The following KCNC1 variants were observed in gnomAD, a reference collection of about 807,000 sequenced individuals.
The protein encoded by KCNC1 is voltage-gated potassium channel KCNC1.
KCNC1 carries 8 observed loss-of-function variants against 43.4 expected under a neutral mutation model. The observed-to-expected ratio is 0.18, with a 90% CI of 0.11 to 0.33. KCNC1 has a LOEUF of 0.33. Ranked by LOEUF, KCNC1 falls within the 10% of genes least tolerant of loss-of-function variation. KCNC1 has a pLI of 1.00. For synonymous variants in KCNC1, 361 were observed against 360.5 expected (o/e 1.00, Z -0.01); for missense variants, 420 against 836.0 (o/e 0.50, Z 6.14).
chr11:17,736,154 G>T lies in KCNC1; in HGVS notation c.152G>T (p.Arg51Leu). Reference protein sequence around the residue: ...DAHSHFDYDPRADEFFFDRHP... With the variant: ...DAHSHFDYDPLADEFFFDRHP... ...CACAGCCACTTCGACTATGACCCGCGTGCTGACGAGTTCTTCTTCGACCGC... is the reference window on the plus strand; with the variant it reads ...CACAGCCACTTCGACTATGACCCGCTTGCTGACGAGTTCTTCTTCGACCGC... The change falls in exon 1 of 4, where the codon CGT (arginine) becomes CTT (leucine). Residue 51 changes from arginine (R) to leucine (L), a missense_variant. Physicochemically the swap from Arg to Leu is moderately radical, Grantham distance 102 (BLOSUM62 -2). This residue lies in a region of KCNC1 where 42 missense variants were observed against 81.5 expected (regional missense o/e 0.52). Coordinates refer to ENST00000265969, the MANE Select transcript of KCNC1 (RefSeq NM_001112741.2). The surrounding 1 kb of genome is among the most constrained non-coding windows in gnomAD (Gnocchi z 9.3). The T allele has an allele frequency of 6.2e-7, 1 of 1,613,416 alleles. No homozygotes were observed. The highest frequency in any genetic ancestry group is 8.5e-7 in the Non-Finnish European group (1 of 1,179,746).
In KCNC1 at chr11:17,772,106, C is replaced by T; in HGVS notation, c.1012C>T (p.Leu338Phe). 1 of 1,613,840 alleles carries T rather than the reference C, an allele frequency of 6.2e-7. No individual in the cohort carries two copies. Among genetic ancestry groups the T allele is most frequent in the Non-Finnish European group, 8.5e-7 (1 of 1,179,966 alleles). ...FVGLRVLGHT[L>F]RASTNEFLLL... ...GGGCCTGCGGGTCCTGGGCCACACG[C>T]TCCGAGCCAGCACCAACGAGTTCCT... is the stretch of plus-strand genomic sequence containing the variant. The change falls in exon 2 of 4, where the codon CTC becomes TTC. Residue 338 changes from leucine (L) to phenylalanine (F), a missense_variant. By Grantham distance (22) the Leu-to-Phe change is conservative (BLOSUM62 0). Coordinates refer to ENST00000265969, the MANE Select transcript of KCNC1 (RefSeq NM_001112741.2).
intron 1 of KCNC1, among the ~76,000 whole-genome samples, chr11:17,757,320 G>C (rs7124999): frequency 0.022 from 3,336 of 152,298 alleles, 106 homozygotes; most frequent in African/African-American, 0.068. Context: ...CCTGCAGGAG[G>C]GATGTCTCAG....
Position 17,738,258 on chromosome 11 carries a change from C to A in KCNC1, c.570+1686C>A, listed in dbSNP as rs1412587729. Among the ~76,000 whole-genome samples the A allele has an allele frequency of 3.3e-5, 5 of 152,160 alleles. No individual in the cohort carries two copies. The East Asian group carries it at 5.8e-4, about 18-fold the overall frequency. On this transcript the variant is annotated intron_variant, in intron 1 of 3. Coordinates refer to ENST00000265969, the MANE Select transcript of KCNC1 (RefSeq NM_001112741.2). ...GGGACCCTCAGAGGGCTTCCCTCCC[C>A]TTCCCTTTCCTGACAGAGGCCACCA...
At chr11:17,747,032 A>T (rs1178148188) in intron 1 of KCNC1, among the ~76,000 whole-genome samples, 1 of 152,162 alleles carries the variant, frequency 6.6e-6, no homozygotes, top group Non-Finnish European at 1.5e-5. Context: ...CGGCCCTGCG[A>T]GATTCAAATC....
intron 1 of KCNC1, among the ~76,000 whole-genome samples, chr11:17,750,087 G>C (rs943871016): frequency 2.6e-5 from 4 of 151,832 alleles, no homozygotes; most frequent in Non-Finnish European, 5.9e-5. Flanking sequence ...GTGTGGACTC[G>C]GGCAGGTGGT....
intron 2 of KCNC1, chr11:17,775,211 T>C: frequency 1.0e-6 from 1 of 985,374 alleles, no homozygotes; most frequent in Non-Finnish European, 1.2e-6. Context: ...CGCCAAAACC[T>C]GAGCTTCTCC....
Position 17,772,402 on chromosome 11 carries a change from G to C in KCNC1, c.1308G>C (p.Val436=). The C allele has an allele frequency of 6.2e-7, 1 of 1,614,154 alleles. No homozygotes were observed. Among genetic ancestry groups the C allele is most frequent in the South Asian group, 1.1e-5 (1 of 91,080 alleles). The change falls in exon 2 of 4, where the codon GTG becomes GTC. Residue 436 remains valine, a synonymous_variant. Coordinates refer to ENST00000265969, the MANE Select transcript of KCNC1 (RefSeq NM_001112741.2). ...TCGCCATGCCCGTGCCCGTCATCGT[G>C]AACAATTTCGGGATGTATTACTCCT... ...LTIAMPVPVI[V]NNFGMYYSLA... is the part of the protein sequence containing the mutation.
intron 2 of KCNC1, chr11:17,775,281 T>TTCCCCCCCCCCCCCCC: frequency 5.3e-6 from 5 of 935,844 alleles, no homozygotes; most frequent in Non-Finnish European, 6.4e-6. Flanking sequence ...TCTGAGGGCA[T>TTCCCCCCCCCCCCCCC]CCCTCCCGCC....
chr11:17,779,260 G>T lies in KCNC1; in HGVS notation c.1505-196G>T. On this transcript the variant is annotated intron_variant, in intron 2 of 3. Coordinates refer to ENST00000265969, the MANE Select transcript of KCNC1 (RefSeq NM_001112741.2). The surrounding 1 kb of genome is among the most constrained non-coding windows in gnomAD (Gnocchi z 7.2). ...CCACTCCCAGCACTGTGGGCAGCCC[G>T]AAGGCTGCCTGAATGAGCTGAACCC... 1 of 541,532 alleles carries T rather than the reference G, an allele frequency of 1.8e-6. No individual in the cohort carries two copies. Among genetic ancestry groups the T allele is most frequent in the South Asian group, 2.7e-5 (1 of 36,888 alleles). 33.5% of individuals were successfully genotyped at this position (541,532 alleles called of 1,614,324 possible).
rs1217297490 is a variant in KCNC1 at position 17,783,030 on chromosome 11, A to G, written c.*1296A>G. ...TCCCCTCCCTGGGCCCTGGCCCCCAATAATAAAAAACTGACTTTTGAGATG... is the reference window on the plus strand; with the variant it reads ...TCCCCTCCCTGGGCCCTGGCCCCCAGTAATAAAAAACTGACTTTTGAGATG... On this transcript the variant is annotated 3_prime_UTR_variant, in exon 4 of 4. Coordinates refer to ENST00000265969, the MANE Select transcript of KCNC1 (RefSeq NM_001112741.2). 2.0e-5 allele frequency: 3 copies of G among 152,186 alleles called. No individual in the cohort carries two copies. Among genetic ancestry groups the G allele is most frequent in the African/African-American group, 4.8e-5 (2 of 41,442 alleles). The allele number at this position is 152,186 out of a possible 1,614,324, so 9.4% of individuals were successfully genotyped here.
intron 1 of KCNC1, among the ~76,000 whole-genome samples, chr11:17,747,385 GC>G (rs764215709): frequency 1.3e-5 from 2 of 152,170 alleles, no homozygotes; most frequent in Non-Finnish European, 2.9e-5. Context: ...GGGAGGGAGG[GC>G]CGCTGACATC....
At chr11:17,755,367 C>T (rs1213408352) in intron 1 of KCNC1, among the ~76,000 whole-genome samples, 1 of 151,998 alleles carries the variant, frequency 6.6e-6, no homozygotes, top group East Asian at 1.9e-4. Context: ...TGACACAGTT[C>T]GATTCATGTT....
rs1032597119 is a variant in KCNC1, at chr11:17,776,015, C to T, written c.1504+3417C>T. 13 of 985,148 alleles carry T rather than the reference C, an allele frequency of 1.3e-5. No individual in the cohort carries two copies. Among genetic ancestry groups the T allele is most frequent in the East Asian group, 1.1e-4 (1 of 8,800 alleles). The allele number at this position is 985,148 out of a possible 1,614,324, so 61.0% of individuals were successfully genotyped here. On this transcript the variant is annotated intron_variant, in intron 2 of 3. Coordinates refer to ENST00000265969, the MANE Select transcript of KCNC1 (RefSeq NM_001112741.2). This position sits in a 1 kb window ranked among gnomAD's most constrained non-coding sequence, Gnocchi z 4.4. ...AGGGAGCTGGGCAGCGCTGACTAGGCGGCGGGTGGGGCTAAGAGAGTTTCT... is the reference window on the plus strand; with the variant it reads ...AGGGAGCTGGGCAGCGCTGACTAGGTGGCGGGTGGGGCTAAGAGAGTTTCT...
chr11:17,767,326 A>T (rs1247378240), intron 1 of KCNC1, among the ~76,000 whole-genome samples: 6 of 151,834 alleles, frequency 4.0e-5, no homozygotes, highest in African/African-American at 1.5e-4. Flanking sequence ...GAAAAGAAAG[A>T]AAAACACTTG....
chr11:17,742,916 C>T lies in KCNC1; in HGVS notation c.570+6344C>T, dbSNP rs1164684476. ...CTTATCTACTCCCATTAATTTCCTTCCTGGGGGAAGTGGAATACACAGATA... is the reference window on the plus strand; with the variant it reads ...CTTATCTACTCCCATTAATTTCCTTTCTGGGGGAAGTGGAATACACAGATA... On this transcript the variant is annotated intron_variant, in intron 1 of 3. Transcript: ENST00000265969. This position sits in a 1 kb window ranked among gnomAD's most constrained non-coding sequence, Gnocchi z 4.2. Among the ~76,000 whole-genome samples the T allele has an allele frequency of 6.6e-6, 1 of 152,168 alleles. No individual in the cohort carries two copies. The highest frequency in any genetic ancestry group is 6.5e-5 in the Admixed American group (1 of 15,276).
rs1849346986 is a variant in KCNC1 at position 17,781,564 on chromosome 11, A to G, written c.1694-106A>G. 1.3e-6 allele frequency: 1 copy of G among 785,324 alleles called. No individual in the cohort carries two copies. The highest frequency in any genetic ancestry group is 2.2e-5 in the Admixed American group (1 of 46,302). 48.6% of individuals were successfully genotyped at this position (785,324 alleles called of 1,614,324 possible). A position where few individuals can be genotyped will look rare whatever the true frequency, so the allele number is the denominator to read the frequency against. On this transcript the variant is annotated intron_variant, in intron 3 of 3. Transcript: ENST00000265969. The surrounding 1 kb of genome is among the most constrained non-coding windows in gnomAD (Gnocchi z 5.1). ...TGGAGAAGAATCTGCCTGCCTCTGCATGCGGCTGTTCTGTCTTTCCTCCTC... is the reference window on the plus strand; with the variant it reads ...TGGAGAAGAATCTGCCTGCCTCTGCGTGCGGCTGTTCTGTCTTTCCTCCTC...
At chr11:17,748,998 G>A (rs1433056425) in intron 1 of KCNC1, among the ~76,000 whole-genome samples, 1 of 152,198 alleles carries the variant, frequency 6.6e-6, no homozygotes, top group Non-Finnish European at 1.5e-5. Context: ...GAGATCATGT[G>A]AGCTCTTTCC....
At chr11:17,770,435 C>T (rs563840075) in intron 1 of KCNC1, among the ~76,000 whole-genome samples, 15 of 152,318 alleles carry the variant, frequency 9.8e-5, no homozygotes, top group Middle Eastern at 3.4e-3. Flanking sequence ...GGGGCCCATC[C>T]ACCCAGGGCA....
intron 1 of KCNC1, among the ~76,000 whole-genome samples, chr11:17,768,433 C>T (rs1477670430): frequency 1.3e-5 from 2 of 152,072 alleles, no homozygotes; most frequent in African/African-American, 4.8e-5. Context: ...CGTGGAGAGC[C>T]TCGTGTGCCA....
Sources: allele counts gnomAD v4.1 joint callset (sites outside exome capture counted in the v4.1 genomes callset), GRCh38; gene constraint gnomAD v4.1.1; regional missense constraint gnomAD v4.1.1; non-coding constraint Gnocchi (gnomAD v3.1); transcripts MANE v1.5; gene names NCBI Gene and HGNC (gene_info 2026-07-23, HGNC 2026-07-21).